The following AHI1 variants were observed in gnomAD, a reference collection of about 807,000 sequenced individuals.
AHI1 encodes jouberin.
In AHI1, 123 loss-of-function variants were observed where a neutral mutation model predicts 149.3. The ratio of observed to expected loss-of-function variants is 0.82; its 90% confidence interval spans 0.71 to 0.96. AHI1 has a LOEUF of 0.96. AHI1 is among the 40% of genes least tolerant of loss of function. The pLI is 0.00. For missense variants in AHI1, 1,439 were observed against 1,422.7 expected (o/e 1.01, Z -0.18); for synonymous variants, 475 against 459.8 (o/e 1.03, Z -0.42).
intron 24 of AHI1, among the ~76,000 whole-genome samples, chr6:135,326,643 C>A (rs1322414030): frequency 6.6e-6 from 1 of 152,024 alleles, no homozygotes; most frequent in African/African-American, 2.4e-5. Context: ...TCACTGCAAC[C>A]TCTGCCTCCC....
intron 24 of AHI1, among the ~76,000 whole-genome samples, chr6:135,331,146 A>G (rs984803404): frequency 1.3e-5 from 2 of 152,314 alleles, no homozygotes; most frequent in East Asian, 1.9e-4. Flanking sequence ...ATGTAGGAGA[A>G]TATCTTCAGC....
intron 12 of AHI1, 94 bp downstream of exon 12, chr6:135,448,196 A>T: frequency 1.3e-6 from 1 of 792,332 alleles, no homozygotes; most frequent in Non-Finnish European, 1.8e-6. Flanking sequence ...AATTATTATT[A>T]GAGGCCTTAT....
chr6:135,386,479 T>C (rs1349633674), intron 23 of AHI1, among the ~76,000 whole-genome samples: 1 of 151,666 alleles, frequency 6.6e-6, no homozygotes, highest in Non-Finnish European at 1.5e-5. Flanking sequence ...CCCAGCTAAT[T>C]TTTTATATTT....
At chr6:135,304,587 T>C (rs1188789957) in intron 26 of AHI1, among the ~76,000 whole-genome samples, 6 of 151,574 alleles carry the variant, frequency 4.0e-5, no homozygotes, top group Admixed American at 3.3e-4. Context: ...CTGGCCAACA[T>C]AGTGAAACCC....
At chr6:135,452,029 A>G (rs1240111784) in intron 11 of AHI1, among the ~76,000 whole-genome samples, 1 of 152,168 alleles carries the variant, frequency 6.6e-6, no homozygotes, top group Non-Finnish European at 1.5e-5. Flanking sequence ...TTTGACTATA[A>G]AACTTCTAAA....
At chr6:135,393,276 G>GA (rs933868139) in intron 23 of AHI1, among the ~76,000 whole-genome samples, 18 of 150,276 alleles carry the variant, frequency 1.2e-4, no homozygotes, top group Admixed American at 4.0e-4. Flanking sequence ...TACAAAAAAT[G>GA]AAAAAAAAAT....
chr6:135,401,501 C>T (rs1780018915), intron 22 of AHI1, among the ~76,000 whole-genome samples: 1 of 152,054 alleles, frequency 6.6e-6, no homozygotes, highest in African/African-American at 2.4e-5. Context: ...AATTTATTAT[C>T]CTAGATCTAA....
intron 4 of AHI1, 32 bp downstream of exon 4, chr6:135,492,196 A>T: frequency 6.2e-6 from 9 of 1,452,328 alleles, no homozygotes; most frequent in Middle Eastern, 2.3e-4. Flanking sequence ...ATAAAATATA[A>T]ATTTTATACA....
At chr6:135,484,231 C>T (rs1416163050) in intron 5 of AHI1, among the ~76,000 whole-genome samples, 1 of 152,162 alleles carries the variant, frequency 6.6e-6, no homozygotes, top group Non-Finnish European at 1.5e-5. Context: ...CCTCCCATGA[C>T]ACACGGGAAT....
intron 20 of AHI1, among the ~76,000 whole-genome samples, chr6:135,414,854 T>A (rs1013577265): frequency 4.6e-5 from 7 of 151,960 alleles, no homozygotes; most frequent in Non-Finnish European, 7.4e-5. Context: ...AGGGTACATG[T>A]GCACAATGTA....
intron 24 of AHI1, among the ~76,000 whole-genome samples, chr6:135,356,819 C>A (rs1047354984): frequency 3.3e-5 from 5 of 152,058 alleles, no homozygotes; most frequent in African/African-American, 1.2e-4. Context: ...TAAAGTCCCA[C>A]ATATTAAGTT....
rs147929677 is a variant in AHI1 at position 135,420,253 on chromosome 6, A to G, written c.2764+6914T>C. ...TTCTTACTGGCATTTAGAAAGGTGAATCCTTTCCAGGTTTTCAAGGTACTT... is the reference window on the plus strand; with the variant it reads ...TTCTTACTGGCATTTAGAAAGGTGAGTCCTTTCCAGGTTTTCAAGGTACTT... On this transcript the variant is annotated intron_variant, in intron 20 of 28. Transcript: ENST00000265602. 6.1e-3 allele frequency among the ~76,000 whole-genome samples: 923 copies of G among 152,268 alleles called. 15 individuals carry two copies. Among genetic ancestry groups the G allele is most frequent in the African/African-American group, 0.02 (844 of 41,566 alleles).
intron 13 of AHI1, among the ~76,000 whole-genome samples, chr6:135,445,701 T>C (rs1280540927): frequency 1.3e-5 from 2 of 152,116 alleles, no homozygotes; most frequent in Admixed American, 6.5e-5. Context: ...GCCTCCCAAG[T>C]AGCTGGGACT....
intron 26 of AHI1, among the ~76,000 whole-genome samples, chr6:135,309,884 A>C (rs945946762): frequency 6.6e-6 from 1 of 152,220 alleles, no homozygotes; most frequent in African/African-American, 2.4e-5. Flanking sequence ...CTTCAGATAA[A>C]GTAAGAAAAC....
At chr6:135,407,773 G>C (rs1343954176) in intron 21 of AHI1, among the ~76,000 whole-genome samples, 1 of 152,066 alleles carries the variant, frequency 6.6e-6, no homozygotes, top group African/African-American at 2.4e-5. Flanking sequence ...AGCACTTTGG[G>C]AGGCCGAGGT....
intron 20 of AHI1, among the ~76,000 whole-genome samples, chr6:135,425,685 G>C (rs1032069445): frequency 6.6e-6 from 1 of 151,756 alleles, no homozygotes; most frequent in African/African-American, 2.4e-5. Context: ...AAGGTCACTA[G>C]AGTAACAGAA....
chr6:135,315,843 T>C (rs912968016), intron 26 of AHI1, among the ~76,000 whole-genome samples: 26 of 152,242 alleles, frequency 1.7e-4, no homozygotes, highest in African/African-American at 6.3e-4. Context: ...CATAAAAATA[T>C]CTTTAATTTC....
chr6:135,298,833 G>A lies in AHI1; in HGVS notation c.3485+1667C>T, dbSNP rs142294674. On this transcript the variant is annotated intron_variant, in intron 27 of 28. Coordinates refer to ENST00000265602, the MANE Select transcript of AHI1 (RefSeq NM_001134831.2). Reference sequence around the variant, plus strand: ...GGCATGACATGGATCTCTGTATCTCGTGAAAACTGGTATGAAATGTAGACC... The same window carrying A: ...GGCATGACATGGATCTCTGTATCTCATGAAAACTGGTATGAAATGTAGACC... Among the ~76,000 whole-genome samples, 211 of 152,264 alleles carry A rather than the reference G, an allele frequency of 1.4e-3. 1 individual carries two copies. The highest frequency in any genetic ancestry group is 4.8e-3 in the African/African-American group (201 of 41,564).
intron 22 of AHI1, among the ~76,000 whole-genome samples, chr6:135,402,897 T>C (rs889597742): frequency 1.3e-5 from 2 of 152,192 alleles, no homozygotes; most frequent in Non-Finnish European, 2.9e-5. Context: ...GTACTTATTT[T>C]TTTGGGGAGT....
Sources: allele counts gnomAD v4.1 joint callset (sites outside exome capture counted in the v4.1 genomes callset), GRCh38; gene constraint gnomAD v4.1.1; transcripts MANE v1.5; gene names NCBI Gene and HGNC (gene_info 2026-07-23, HGNC 2026-07-21).